PDE1A: variants seen among roughly 807,000 people sequenced by gnomAD.
PDE1A encodes the protein dual specificity calcium/calmodulin-dependent 3',5'-cyclic nucleotide phosphodiesterase 1A.
A neutral mutation model predicts 61.7 loss-of-function variants in PDE1A; 35 were observed. The observed-to-expected ratio is 0.57, with a 90% CI of 0.43 to 0.75. The LOEUF (loss-of-function observed/expected upper bound fraction) is 0.75. Among genes scored for constraint, PDE1A ranks in the 30% least tolerant of loss-of-function variants. The pLI, the probability that PDE1A is intolerant of heterozygous loss-of-function variation, is 0.00. For missense variants in PDE1A, 597 were observed against 630.6 expected (o/e 0.95, Z 0.57); for synonymous variants, 232 against 213.2 (o/e 1.09, Z -0.77).
intron 2 of PDE1A, among the ~76,000 whole-genome samples, chr2:182,446,095 A>C (rs569785275): frequency 6.6e-6 from 1 of 152,116 alleles, no homozygotes; most frequent in Non-Finnish European, 1.5e-5. Context: ...TTGTGTTTTC[A>C]CCATCTCAGC....
At chr2:182,229,669 G>C (rs995090901) in intron 6 of PDE1A, among the ~76,000 whole-genome samples, 1 of 152,038 alleles carries the variant, frequency 6.6e-6, no homozygotes, top group African/African-American at 2.4e-5. Context: ...GAAAAAGAGT[G>C]CTATAACTTT....
chr2:182,403,365 C>T (rs975761359), intron 1 of PDE1A, among the ~76,000 whole-genome samples: 13 of 151,652 alleles, frequency 8.6e-5, no homozygotes, highest in African/African-American at 2.9e-4. Flanking sequence ...TTTAGGAGGC[C>T]GAGGCGGGTG....
intron 1 of PDE1A, among the ~76,000 whole-genome samples, chr2:182,271,402 A>T (rs1429117931): frequency 2.0e-5 from 3 of 152,112 alleles, no homozygotes; most frequent in African/African-American, 7.2e-5. Flanking sequence ...AGAATATGTG[A>T]CTGAAAAAAA....
chr2:182,504,046 T>G (rs940307202), intron 2 of PDE1A, among the ~76,000 whole-genome samples: 3 of 152,220 alleles, frequency 2.0e-5, no homozygotes, highest in Non-Finnish European at 2.9e-5. Flanking sequence ...TGGCTATAAC[T>G]TTTTTTCTGA....
chr2:182,176,244 G>A (rs2125347615), intron 13 of PDE1A, among the ~76,000 whole-genome samples: 1 of 148,474 alleles, frequency 6.7e-6, no homozygotes, highest in South Asian at 2.1e-4. Context: ...AGCTTGATGG[G>A]GATGGCATTG....
At chr2:182,370,251 G>T (rs1574473634) in intron 1 of PDE1A, among the ~76,000 whole-genome samples, 2 of 152,252 alleles carry the variant, frequency 1.3e-5, no homozygotes, top group East Asian at 1.9e-4. Flanking sequence ...TAAGAAAAAA[G>T]GAAGAAAGGA....
intron 1 of PDE1A, among the ~76,000 whole-genome samples, chr2:182,275,674 T>G (rs892900161): frequency 6.6e-6 from 1 of 152,110 alleles, no homozygotes; most frequent in Admixed American, 6.6e-5. Flanking sequence ...CTTGCAGATT[T>G]TTGTCTGGTG....
At position 182,447,694 on chromosome 2, in the gene PDE1A, T is replaced by A. The variant is rs547154307; in HGVS notation, c.101+74582A>T. Among the ~76,000 whole-genome samples, 5 of 152,240 alleles carry A rather than the reference T, an allele frequency of 3.3e-5. No homozygotes were observed. In the South Asian group the frequency reaches 1.0e-3, roughly 32 times the overall value. ...CTCTGAACAACCATAAATCTATCTA[T>A]ACTTTCCTATGGCATGGCTCACTTT... is the stretch of plus-strand genomic sequence containing the variant. On this transcript the variant is annotated intron_variant, in intron 2 of 14. Transcript: ENST00000410103.
At chr2:182,626,840 T>C in the PDE1A span, among the ~76,000 whole-genome samples, 1 of 36,546 alleles carries the variant, frequency 2.7e-5, no homozygotes, top group Non-Finnish European at 5.0e-5. Context: ...TATATATACA[T>C]ATATATACAT....
At chr2:182,577,972 GGAAGGAAGGAAGGA>G in the PDE1A span, among the ~76,000 whole-genome samples, 70 of 148,548 alleles carry the variant, frequency 4.7e-4, no homozygotes, top group African/African-American at 1.7e-3. Flanking sequence ...AAGGAAGGAA[GGAAGGAAGGAAGGA>G]AGGAAGGGAC....
chr2:182,620,618 AT>A, the PDE1A span, among the ~76,000 whole-genome samples: 1 of 152,342 alleles, frequency 6.6e-6, no homozygotes, highest in South Asian at 2.1e-4. Context: ...CAAGCCTCTT[AT>A]GCCATTAGAA....
chr2:182,705,529 G>A, the PDE1A span, among the ~76,000 whole-genome samples: 6 of 151,126 alleles, frequency 4.0e-5, no homozygotes, highest in Non-Finnish European at 5.9e-5. Context: ...TTTGGGGGAC[G>A]GAATCTCGCT....
intron 13 of PDE1A, among the ~76,000 whole-genome samples, chr2:182,182,234 A>C (rs1684824732): frequency 6.6e-6 from 1 of 152,186 alleles, no homozygotes; most frequent in African/African-American, 2.4e-5. Context: ...GTGTAAGAAA[A>C]CCAAAAAGCC....
At chr2:182,272,239 C>T (rs1693078163) in intron 1 of PDE1A, among the ~76,000 whole-genome samples, 1 of 152,164 alleles carries the variant, frequency 6.6e-6, no homozygotes, top group Non-Finnish European at 1.5e-5. Flanking sequence ...GAAAGGACCT[C>T]CCAAGGCCAG....
chr2:182,463,375 T>C (rs1686438815), intron 2 of PDE1A, among the ~76,000 whole-genome samples: 1 of 152,156 alleles, frequency 6.6e-6, no homozygotes, highest in African/African-American at 2.4e-5. Context: ...CCCCCTGGAA[T>C]GCTACAGTAT....
chr2:182,664,565 C>G, the PDE1A span, among the ~76,000 whole-genome samples: 1 of 152,060 alleles, frequency 6.6e-6, no homozygotes, highest in South Asian at 2.1e-4. Context: ...ATAATGACAA[C>G]GCATTTGGCT....
intron 1 of PDE1A, among the ~76,000 whole-genome samples, chr2:182,294,963 C>A (rs941965420): frequency 6.6e-6 from 1 of 150,730 alleles, no homozygotes; most frequent in Non-Finnish European, 1.5e-5. Context: ...GTGCCCAGAG[C>A]TGAGTGCCCC....
chr2:182,337,275 C>A (rs1697895486), intron 1 of PDE1A, among the ~76,000 whole-genome samples: 1 of 152,018 alleles, frequency 6.6e-6, no homozygotes, highest in South Asian at 2.1e-4. Flanking sequence ...TAAAGCAGAA[C>A]ATTAAGTGGA....
chr2:182,158,761 C>T (rs1691228371), intron 13 of PDE1A, among the ~76,000 whole-genome samples: 1 of 152,160 alleles, frequency 6.6e-6, no homozygotes, highest in Non-Finnish European at 1.5e-5. Context: ...CTTTGAACAT[C>T]AGATTCTTGT....
Sources: gnomAD v4.1 joint callset for allele counts (sites outside exome capture counted in the v4.1 genomes callset) on GRCh38, gnomAD v4.1.1 for gene constraint, MANE v1.5 for transcripts, NCBI Gene and HGNC (gene_info 2026-07-23, HGNC 2026-07-21) for gene names.